The following PUM1 variants were observed in gnomAD, a reference collection of about 807,000 sequenced individuals.
The protein encoded by PUM1 is pumilio homolog 1.
In PUM1, 13 loss-of-function variants were observed where a neutral mutation model predicts 131.8. The observed-to-expected ratio is 0.10, with a 90% CI of 0.06 to 0.16. PUM1 has a LOEUF of 0.16. Ranked by LOEUF, PUM1 falls within the 10% of genes least tolerant of loss-of-function variation. The pLI, the probability that PUM1 is intolerant of heterozygous loss-of-function variation, is 1.00. For missense variants in PUM1, 961 were observed against 1,512.4 expected (o/e 0.64, Z 6.05); for synonymous variants, 509 against 556.5 (o/e 0.91, Z 1.20).
chr1:31,027,167 GAC>G (rs925222409), intron 3 of PUM1, among the ~76,000 whole-genome samples: 2 of 152,044 alleles, frequency 1.3e-5, no homozygotes, highest in Non-Finnish European at 2.9e-5. Flanking sequence ...AAACAGGCTG[GAC>G]ACAGTGGCTC....
chr1:30,954,667 G>A (rs1486492120), intron 14 of PUM1, among the ~76,000 whole-genome samples: 4 of 152,176 alleles, frequency 2.6e-5, no homozygotes, highest in African/African-American at 9.7e-5. Flanking sequence ...AATGACTGTA[G>A]TTCCAACAAC....
At chr1:31,005,307 G>A (rs946472048) in intron 5 of PUM1, among the ~76,000 whole-genome samples, 2 of 152,178 alleles carry the variant, frequency 1.3e-5, no homozygotes, top group African/African-American at 4.8e-5. Flanking sequence ...AGAATTAACA[G>A]AATCCCTAAT....
Position 30,950,844 on chromosome 1 carries a change from G to C in PUM1, c.2722-583C>G, listed in dbSNP as rs569614504. ...CCACTACACTCCAGCCTGCCCAATG[G>C]AGCAAGACTGTGTGTCAAAAAAAAG... is the stretch of plus-strand genomic sequence containing the variant. On this transcript the variant is annotated intron_variant, in intron 16 of 21. Transcript: ENST00000426105. Among the ~76,000 whole-genome samples the C allele has an allele frequency of 4.6e-5, 7 of 152,304 alleles. No individual in the cohort carries two copies. The South Asian group carries it at 1.4e-3, about 32-fold the overall frequency.
chr1:30,942,327 G>A (rs1049643529), intron 18 of PUM1, among the ~76,000 whole-genome samples: 5 of 147,454 alleles, frequency 3.4e-5, no homozygotes, highest in African/African-American at 7.6e-5. Context: ...TAAACTCATC[G>A]CTTATCTATT....
At chr1:30,979,984 A>G in intron 9 of PUM1, 78 bp downstream of exon 9, 1 of 960,954 alleles carries the variant, frequency 1.0e-6, no homozygotes, top group South Asian at 1.7e-5. Flanking sequence ...GATTTGGGAA[A>G]GAGTATAAAG....
chr1:31,044,656 CACTAAAA>C, intron 2 of PUM1, among the ~76,000 whole-genome samples: 1 of 152,082 alleles, frequency 6.6e-6, no homozygotes, highest in Non-Finnish European at 1.5e-5. Context: ...ACAATGAATA[CACTAAAA>C]ACTAAAAACT....
intron 14 of PUM1, among the ~76,000 whole-genome samples, chr1:30,957,348 AG>A (rs1449075705): frequency 6.6e-6 from 1 of 152,126 alleles, no homozygotes; most frequent in Non-Finnish European, 1.5e-5. Context: ...ACCATCAGTA[AG>A]TATTTGTTGA....
At chr1:30,952,156 A>G (rs573817480) in intron 16 of PUM1, 78 bp downstream of exon 16, 9 of 1,421,034 alleles carry the variant, frequency 6.3e-6, no homozygotes, top group African/African-American at 1.4e-5. Context: ...TGGGACTGCT[A>G]TGCTTAAAAA....
At chr1:30,949,521 G>A (rs1385265789) in intron 17 of PUM1, among the ~76,000 whole-genome samples, 1 of 150,138 alleles carries the variant, frequency 6.7e-6, no homozygotes, top group African/African-American at 2.5e-5. Flanking sequence ...GCCTTCTCCT[G>A]CAAAGCCGGC....
chr1:30,944,136 A>G (rs1639572691), intron 18 of PUM1, among the ~76,000 whole-genome samples: 1 of 152,224 alleles, frequency 6.6e-6, no homozygotes, highest in African/African-American at 2.4e-5. Flanking sequence ...TTTAACTCAG[A>G]AACTCCCAAT....
At chr1:30,937,555 T>C (rs1639262833) in intron 20 of PUM1, among the ~76,000 whole-genome samples, 1 of 152,050 alleles carries the variant, frequency 6.6e-6, no homozygotes, top group Admixed American at 6.5e-5. Flanking sequence ...AGTGCTGAGA[T>C]TACAGGCATG....
rs1490367921 is a variant in PUM1 at position 31,009,780 on chromosome 1, A to AC, written c.433-2679_433-2678insG. Among the ~76,000 whole-genome samples the AC allele has an allele frequency of 5.7e-4, 85 of 150,202 alleles. 2 individuals are homozygous for AC. The highest frequency in any genetic ancestry group is 6.6e-4 in the Non-Finnish European group (45 of 67,690). On this transcript the variant is annotated intron_variant, in intron 3 of 21. Transcript: ENST00000426105. The stretch of plus-strand genomic sequence containing the variant: ...AAGACTCTGTCTCAAAAAAAAAAAA[A>AC]AAAAAAACAAAAACAGAAACAAAAA...
chr1:31,011,735 C>G (rs1314354085), intron 3 of PUM1, among the ~76,000 whole-genome samples: 2 of 152,058 alleles, frequency 1.3e-5, no homozygotes, highest in African/African-American at 2.4e-5. Flanking sequence ...ATGCATCCAA[C>G]CTATGAAAAG....
chr1:31,063,147 G>A (rs1644405301), intron 1 of PUM1, among the ~76,000 whole-genome samples: 1 of 152,056 alleles, frequency 6.6e-6, no homozygotes, highest in African/African-American at 2.4e-5. Context: ...GTCCCATTCT[G>A]TTCTAAAAGG....
chr1:30,952,672 A>AGGGGGGGGGG (rs1489893024), intron 15 of PUM1, among the ~76,000 whole-genome samples: 2 of 10,540 alleles, frequency 1.9e-4, no homozygotes, highest in Admixed American at 1.4e-3. Context: ...GGAAGATGAA[A>AGGGGGGGGGG]GCGGGGGGGG....
At chr1:30,981,030 T>C (rs747492985) in intron 8 of PUM1, among the ~76,000 whole-genome samples, 56 of 152,236 alleles carry the variant, frequency 3.7e-4, no homozygotes, top group Non-Finnish European at 7.5e-4. Context: ...AAAGAGCTAA[T>C]GGTAGTCACC....
chr1:31,005,153 A>C (rs1642354698), intron 5 of PUM1, among the ~76,000 whole-genome samples: 1 of 152,218 alleles, frequency 6.6e-6, no homozygotes, highest in Admixed American at 6.5e-5. Flanking sequence ...AAAGAAAGAA[A>C]TTGTTTTGAG....
chr1:30,952,449 C>A, intron 15 of PUM1, 86 bp from the exon 16 acceptor site: 1 of 1,587,742 alleles, frequency 6.3e-7, no homozygotes, highest in African/African-American at 1.3e-5. Context: ...AGACTGCATC[C>A]GTTCTGAAAC....
At chr1:31,040,955 C>T (rs1643795095) in intron 2 of PUM1, among the ~76,000 whole-genome samples, 1 of 152,046 alleles carries the variant, frequency 6.6e-6, no homozygotes, top group Non-Finnish European at 1.5e-5. Context: ...CAGACAATGG[C>T]TACAAAGAAG....
Sources: allele counts gnomAD v4.1 joint callset (sites outside exome capture counted in the v4.1 genomes callset), GRCh38; gene constraint gnomAD v4.1.1; transcripts MANE v1.5; gene names NCBI Gene and HGNC (gene_info 2026-07-23, HGNC 2026-07-21).